Variants in SDK1 observed in about 807,000 individuals in gnomAD.
SDK1 encodes the protein sidekick cell adhesion molecule 1, also known as protein sidekick-1.
Under a neutral mutation model 245.5 loss-of-function variants are expected in SDK1, and 157 were observed. The ratio of observed to expected loss-of-function variants is 0.64; its 90% confidence interval spans 0.56 to 0.73. The LOEUF is 0.73. Ranked by LOEUF, SDK1 falls within the 30% of genes least tolerant of loss-of-function variation. The probability of loss-of-function intolerance (pLI) is 0.00; values close to 1 mark genes in which losing one functional copy is unlikely to be tolerated. For missense variants in SDK1, 3,583 were observed against 3,002.3 expected (o/e 1.19, Z -4.52); for synonymous variants, 1,647 against 1,278.5 (o/e 1.29, Z -6.15).
Position 3,513,520 on chromosome 7 carries a change from A to T in SDK1, c.299-105560A>T, listed in dbSNP as rs571393823. ...AAGACACAAAGAAGAATTAAGACTG[A>T]TGTGGCCAACAGATGAAGGAATGGC... On this transcript the variant is annotated intron_variant, in intron 1 of 44. Transcript: ENST00000404826. Among the ~76,000 whole-genome samples, 4 of 152,330 alleles carry T rather than the reference A, an allele frequency of 2.6e-5. No individual in the cohort carries two copies. The East Asian group carries it at 7.7e-4, about 29-fold the overall frequency.
chr7:4,018,623 A>G (rs981417056), intron 17 of SDK1, among the ~76,000 whole-genome samples: 1 of 152,228 alleles, frequency 6.6e-6, no homozygotes, highest in African/African-American at 2.4e-5. Flanking sequence ...GCTATTAGTA[A>G]TCCCTTATTA....
intron 4 of SDK1, among the ~76,000 whole-genome samples, chr7:3,746,357 T>C (rs940962753): frequency 6.6e-6 from 1 of 152,198 alleles, no homozygotes; most frequent in Non-Finnish European, 1.5e-5. Context: ...ATCAGTCTGA[T>C]GGTTGCTGAA....
chr7:3,500,105 A>AG (rs763908335), intron 1 of SDK1, among the ~76,000 whole-genome samples: 5 of 151,946 alleles, frequency 3.3e-5, no homozygotes, highest in Admixed American at 6.6e-5. Context: ...AGTGGGGTTT[A>AG]GGGGGGGTCT....
chr7:3,720,556 A>G (rs1309476623), intron 4 of SDK1, among the ~76,000 whole-genome samples: 1 of 152,362 alleles, frequency 6.6e-6, no homozygotes, highest in African/African-American at 2.4e-5. Context: ...CAGAATGGAT[A>G]AAATAAAAAA....
chr7:4,207,737 A>C (rs1307591299), intron 36 of SDK1, among the ~76,000 whole-genome samples: 1 of 152,112 alleles, frequency 6.6e-6, no homozygotes, highest in African/African-American at 2.4e-5. Flanking sequence ...CAAAACACCA[A>C]CAGAGCTAGG....
chr7:3,756,546 GTTTA>G (rs1011449955), intron 4 of SDK1, among the ~76,000 whole-genome samples: 3 of 151,308 alleles, frequency 2.0e-5, no homozygotes, highest in African/African-American at 4.9e-5. Context: ...AGCATCACTA[GTTTA>G]TTCCTTTTTT....
chr7:3,558,096 G>T (rs931945626), intron 1 of SDK1, among the ~76,000 whole-genome samples: 1 of 151,204 alleles, frequency 6.6e-6, no homozygotes, highest in African/African-American at 2.4e-5. Context: ...CGTGGCATGC[G>T]TAAAGCCAGC....
intron 1 of SDK1, among the ~76,000 whole-genome samples, chr7:3,613,861 C>G (rs1193540185): frequency 4.6e-5 from 7 of 152,256 alleles, no homozygotes; most frequent in Admixed American, 1.3e-4. Flanking sequence ...CATTAGCAAA[C>G]TAACACAGGA....
chr7:4,055,436 A>G (rs1341851209), intron 19 of SDK1, among the ~76,000 whole-genome samples: 2 of 152,006 alleles, frequency 1.3e-5, no homozygotes, highest in Admixed American at 1.3e-4. Context: ...CCTGTTTTTT[A>G]TTCCTGATAT....
At chr7:4,223,125 A>G (rs1377192552) in intron 40 of SDK1, among the ~76,000 whole-genome samples, 3 of 152,138 alleles carry the variant, frequency 2.0e-5, no homozygotes, top group Non-Finnish European at 4.4e-5. Flanking sequence ...TGTAACTAAT[A>G]ATCTTTCAAA....
rs112581663 is a variant in SDK1, at chr7:3,322,314, A to G, written c.298+20430A>G. 3.3e-4 allele frequency among the ~76,000 whole-genome samples: 51 copies of G among 152,300 alleles called. 3 individuals carry two copies. The highest frequency in any genetic ancestry group is 9.4e-4 in the African/African-American group (39 of 41,554). The stretch of plus-strand genomic sequence containing the variant: ...CATCTGGGTTGTGTTTTGTCATTAC[A>G]TCATATCTTTTTATGACTGAATAAT... On this transcript the variant is annotated intron_variant, in intron 1 of 44. Coordinates refer to ENST00000404826, the MANE Select transcript of SDK1 (RefSeq NM_152744.4).
chr7:3,640,740 G>C (rs1202234), intron 3 of SDK1, among the ~76,000 whole-genome samples: 3 of 151,838 alleles, frequency 2.0e-5, no homozygotes, highest in Non-Finnish European at 4.4e-5. Context: ...CTGGAGTGCA[G>C]TGGCACAATC....
chr7:3,788,390 A>G (rs1780973230), intron 4 of SDK1, among the ~76,000 whole-genome samples: 2 of 152,174 alleles, frequency 1.3e-5, no homozygotes, highest in Non-Finnish European at 2.9e-5. Flanking sequence ...AGCTTCTGCC[A>G]GGCCGGAGAG....
intron 4 of SDK1, among the ~76,000 whole-genome samples, chr7:3,750,125 G>C (rs1259110278): frequency 1.3e-5 from 2 of 152,124 alleles, no homozygotes; most frequent in African/African-American, 4.8e-5. Flanking sequence ...CTGAATGTTT[G>C]GTTATTTTGA....
intron 4 of SDK1, among the ~76,000 whole-genome samples, chr7:3,705,098 G>T (rs1784847086): frequency 6.6e-6 from 1 of 152,166 alleles, no homozygotes; most frequent in African/African-American, 2.4e-5. Context: ...TAGTTTTGTA[G>T]TATAATTTGA....
chr7:3,536,940 T>C (rs1204908067), intron 1 of SDK1, among the ~76,000 whole-genome samples: 1 of 152,250 alleles, frequency 6.6e-6, no homozygotes. Flanking sequence ...TATTGACTAT[T>C]AAATCACACA....
intron 1 of SDK1, among the ~76,000 whole-genome samples, chr7:3,616,036 C>T (rs1037402946): frequency 6.6e-6 from 1 of 152,096 alleles, no homozygotes; most frequent in African/African-American, 2.4e-5. Context: ...AGGTGTATAT[C>T]ACCACACTGG....
chr7:3,531,267 C>A (rs750945080), intron 1 of SDK1, among the ~76,000 whole-genome samples: 14 of 152,174 alleles, frequency 9.2e-5, no homozygotes, highest in African/African-American at 3.1e-4. Context: ...TTTATCTGTA[C>A]GCTATGCTAA....
At chr7:3,340,919 A>G (rs958160877) in intron 1 of SDK1, among the ~76,000 whole-genome samples, 1 of 152,184 alleles carries the variant, frequency 6.6e-6, no homozygotes, top group Admixed American at 6.5e-5. Flanking sequence ...TCACTGGACA[A>G]TTTACCAACA....
Sources: allele counts gnomAD v4.1 joint callset (sites outside exome capture counted in the v4.1 genomes callset), GRCh38; gene constraint gnomAD v4.1.1; transcripts MANE v1.5; gene names NCBI Gene and HGNC (gene_info 2026-07-23, HGNC 2026-07-21).